FOCAD: variants seen among roughly 807,000 people sequenced by gnomAD.
FOCAD encodes the protein KIAA1797.
Under a neutral mutation model 225.6 loss-of-function variants are expected in FOCAD, and 198 were observed. The observed-to-expected ratio is 0.88, with a 90% CI of 0.78 to 0.99. FOCAD has a LOEUF of 0.99. FOCAD is among the 50% of genes least tolerant of loss of function. The probability of loss-of-function intolerance (pLI) is 0.00; values close to 1 mark genes in which losing one functional copy is unlikely to be tolerated. For synonymous variants in FOCAD, 897 were observed against 755.0 expected, an observed-to-expected ratio of 1.19 and a Z score of -3.08; for missense variants, 2,713 against 2,123.6, an observed-to-expected ratio of 1.28 and a Z score of -5.46.
intron 21 of FOCAD, among the ~76,000 whole-genome samples, chr9:20,896,664 A>G (rs1458912587): frequency 1.3e-5 from 2 of 151,836 alleles, no homozygotes; most frequent in East Asian, 3.9e-4. Context: ...AGTTATATAT[A>G]TTATTTCCTT....
intron 35 of FOCAD, among the ~76,000 whole-genome samples, chr9:20,955,834 C>T (rs910976127): frequency 1.3e-5 from 2 of 152,014 alleles, no homozygotes; most frequent in African/African-American, 4.8e-5. Context: ...AAGATTTTAT[C>T]CACTTCTTTT....
At chr9:20,878,840 C>G (rs1483862202) in intron 19 of FOCAD, among the ~76,000 whole-genome samples, 4 of 152,100 alleles carry the variant, frequency 2.6e-5, no homozygotes, top group Non-Finnish European at 5.9e-5. Context: ...CAATCTGAGG[C>G]CAAAAGCCTC....
intron 28 of FOCAD, among the ~76,000 whole-genome samples, chr9:20,936,715 T>C (rs1412862992): frequency 6.6e-6 from 1 of 152,024 alleles, no homozygotes; most frequent in African/African-American, 2.4e-5. Context: ...CGATTCAACA[T>C]AGTGTTGGAA....
At chr9:20,686,134 T>C (rs987437255) in intron 1 of FOCAD, among the ~76,000 whole-genome samples, 1 of 152,222 alleles carries the variant, frequency 6.6e-6, no homozygotes, top group African/African-American at 2.4e-5. Context: ...TAAGAAAATA[T>C]AACTTCTTAA....
chr9:20,723,242 C>T (rs1825924991), intron 4 of FOCAD, among the ~76,000 whole-genome samples: 1 of 152,216 alleles, frequency 6.6e-6, no homozygotes, highest in African/African-American at 2.4e-5. Context: ...AATCCCAATA[C>T]TTCGGCAGGC....
chr9:20,848,056 A>G (rs1827289529), intron 15 of FOCAD, among the ~76,000 whole-genome samples: 1 of 152,048 alleles, frequency 6.6e-6, no homozygotes, highest in Non-Finnish European at 1.5e-5. Flanking sequence ...TGCTCTCTGA[A>G]GGTTTGCCGA....
chr9:20,733,626 G>T (rs924694301), intron 4 of FOCAD, among the ~76,000 whole-genome samples: 1 of 152,034 alleles, frequency 6.6e-6, no homozygotes, highest in Non-Finnish European at 1.5e-5. Context: ...TTGTCCTTGC[G>T]ATAGTTTACT....
chr9:20,720,306 T>C, intron 3 of FOCAD, 74 bp from the exon 4 acceptor site: 6 of 1,450,988 alleles, frequency 4.1e-6, no homozygotes, highest in Non-Finnish European at 5.7e-6. Context: ...TACTCATTGA[T>C]GAATGACCAA....
intron 21 of FOCAD, among the ~76,000 whole-genome samples, chr9:20,892,221 A>G (rs540270304): frequency 1.3e-5 from 2 of 152,298 alleles, no homozygotes; most frequent in South Asian, 4.1e-4. Context: ...AGTTGTTGTT[A>G]TGACTGCCAA....
At chr9:20,689,556 TA>T (rs1443766030) in intron 1 of FOCAD, among the ~76,000 whole-genome samples, 1 of 152,122 alleles carries the variant, frequency 6.6e-6, no homozygotes, top group African/African-American at 2.4e-5. Context: ...AAGGGGAGTT[TA>T]ATTTCTATTA....
intron 4 of FOCAD, among the ~76,000 whole-genome samples, chr9:20,729,280 G>A (rs1321980157): frequency 4.6e-5 from 7 of 152,160 alleles, no homozygotes; most frequent in African/African-American, 1.4e-4. Flanking sequence ...AGCTTCTGGT[G>A]GTTGATGGAA....
intron 11 of FOCAD, among the ~76,000 whole-genome samples, chr9:20,800,449 A>C (rs990609829): frequency 2.0e-5 from 3 of 152,130 alleles, no homozygotes; most frequent in Non-Finnish European, 2.9e-5. Flanking sequence ...GTGTTTTCCA[A>C]CTTGGTTCCA....
intron 19 of FOCAD, among the ~76,000 whole-genome samples, chr9:20,880,315 G>A (rs545215771): frequency 6.6e-6 from 1 of 152,186 alleles, no homozygotes; most frequent in Non-Finnish European, 1.5e-5. Context: ...AGAAGAAAGA[G>A]TATCTGTATT....
In FOCAD at chr9:20,835,828, C is replaced by G. The variant is rs150539630; in HGVS notation, c.1920+12713C>G. The stretch of plus-strand genomic sequence containing the variant: ...CGTTGCAAGATCATGAAGAAAAGCT[C>G]TTTCATCTTGCCCAGCTCCAAGAGG... On this transcript the variant is annotated intron_variant, in intron 15 of 43. Coordinates refer to ENST00000338382, the MANE Select transcript of FOCAD (RefSeq NM_001375567.1). 2.2e-3 allele frequency among the ~76,000 whole-genome samples: 337 copies of G among 152,110 alleles called. 9 individuals carry two copies. The East Asian group carries it at 0.042, about 19-fold the overall frequency.
intron 23 of FOCAD, among the ~76,000 whole-genome samples, chr9:20,914,811 T>C (rs1258013744): frequency 6.6e-6 from 1 of 152,204 alleles, no homozygotes; most frequent in Admixed American, 6.5e-5. Context: ...CCAGCTGTTA[T>C]GTTGAAAATA....
At chr9:20,659,171 G>A (rs1821621185) in intron 2 of FOCAD, among the ~76,000 whole-genome samples, 1 of 152,096 alleles carries the variant, frequency 6.6e-6, no homozygotes, top group Non-Finnish European at 1.5e-5. Flanking sequence ...AGTGAGCCAA[G>A]ATGGCACCAC....
At chr9:20,663,437 G>A (rs1003493364) in intron 2 of FOCAD, among the ~76,000 whole-genome samples, 13 of 150,164 alleles carry the variant, frequency 8.7e-5, no homozygotes, top group African/African-American at 3.2e-4. Context: ...TCTATCAGCG[G>A]TCCATATTAC....
intron 11 of FOCAD, among the ~76,000 whole-genome samples, chr9:20,801,001 G>A (rs1418591179): frequency 1.3e-5 from 2 of 152,104 alleles, no homozygotes; most frequent in African/African-American, 4.8e-5. Flanking sequence ...GGTCTTTGAT[G>A]ATGGTGAAGT....
chr9:20,792,364 A>G (rs1446736465), intron 11 of FOCAD, among the ~76,000 whole-genome samples: 6 of 152,200 alleles, frequency 3.9e-5, no homozygotes, highest in Non-Finnish European at 8.8e-5. Flanking sequence ...ACTATGTGTA[A>G]GGTGTATCAA....
Sources: allele counts gnomAD v4.1 joint callset (sites outside exome capture counted in the v4.1 genomes callset), GRCh38; gene constraint gnomAD v4.1.1; transcripts MANE v1.5; gene names NCBI Gene and HGNC (gene_info 2026-07-23, HGNC 2026-07-21).